ATF6: variants seen among roughly 807,000 people sequenced by gnomAD.
ATF6 encodes activating transcription factor 6.
A neutral mutation model predicts 83.6 loss-of-function variants in ATF6; 53 were observed. The ratio of observed to expected loss-of-function variants is 0.63; its 90% CI spans 0.51 to 0.80. The LOEUF is 0.80. ATF6 is among the 30% of genes least tolerant of loss of function. The pLI is 0.00. For synonymous variants in ATF6, 288 were observed against 285.8 expected (o/e 1.01, Z -0.08); for missense variants, 744 against 797.9 (o/e 0.93, Z 0.81).
At chr1:161,799,415 A>T (rs1035226442) in intron 6 of ATF6, among the ~76,000 whole-genome samples, 1 of 152,150 alleles carries the variant, frequency 6.6e-6, no homozygotes, top group Non-Finnish European at 1.5e-5. Flanking sequence ...ACAATAGACA[A>T]CAGGGGCTAC....
chr1:161,870,324 T>G (rs984683191), intron 14 of ATF6, among the ~76,000 whole-genome samples: 20 of 151,830 alleles, frequency 1.3e-4, no homozygotes, highest in Admixed American at 1.3e-3. Context: ...ATAGTATAGC[T>G]TCAGATTTCA....
rs1686676975 is a variant in ATF6, at chr1:161,853,253, A to G, written c.1463A>G (p.His488Arg). The G allele has an allele frequency of 6.2e-7, 1 of 1,613,294 alleles. No individual in the cohort carries two copies. The highest frequency in any genetic ancestry group is 1.3e-5 in the African/African-American group (1 of 74,934). Residue 488 changes from histidine (H) to arginine (R), a missense_variant, in exon 12 of 16, where the codon CAT (histidine) becomes CGT (arginine). Physicochemically the swap from His to Arg is conservative, Grantham distance 29. Coordinates refer to ENST00000367942, the MANE Select transcript of ATF6 (RefSeq NM_007348.4). ...AATCATGAACTTCGAGGATGGGTTC[A>G]TAGACATGAAGTAGAAAGGACCAAG... ...RLNHELRGWVHRHEVERTKSR... is the reference protein window; with the variant it reads ...RLNHELRGWVRRHEVERTKSR...
intron 14 of ATF6, among the ~76,000 whole-genome samples, chr1:161,894,681 G>T (rs1429154173): frequency 6.8e-6 from 1 of 146,410 alleles, no homozygotes; most frequent in African/African-American, 2.5e-5. Flanking sequence ...GATTACAGGC[G>T]CCCACCACTA....
chr1:161,890,234 G>A lies in ATF6; in HGVS notation c.1720-22062G>A, dbSNP rs1352872097. ...AATTGTCCCCAAAAAGATGAGTTTA[G>A]GAAGAGTCATATAACTTAACATTTG... On this transcript the variant is annotated intron_variant, in intron 14 of 15. Transcript: ENST00000367942. Among the ~76,000 whole-genome samples the A allele has an allele frequency of 2.6e-5, 4 of 152,156 alleles. No homozygotes were observed. In the East Asian group the frequency reaches 5.8e-4, roughly 22 times the overall value.
intron 7 of ATF6, among the ~76,000 whole-genome samples, chr1:161,814,109 C>G (rs987860459): frequency 1.3e-5 from 2 of 152,160 alleles, no homozygotes; most frequent in Admixed American, 1.3e-4. Flanking sequence ...GTCTCGAACT[C>G]CTGACCTCAG....
chr1:161,827,656 A>T (rs555033909), intron 9 of ATF6, among the ~76,000 whole-genome samples: 4 of 151,634 alleles, frequency 2.6e-5, no homozygotes, highest in South Asian at 2.1e-4. Flanking sequence ...ATGAAAAAAA[A>T]AAAATAAAAC....
intron 14 of ATF6, among the ~76,000 whole-genome samples, chr1:161,908,549 C>CT (rs1380028467): frequency 1.5e-5 from 2 of 134,772 alleles, no homozygotes; most frequent in Non-Finnish European, 3.1e-5. Context: ...CCATGTTTCT[C>CT]TAACTTTTTC....
intron 7 of ATF6, among the ~76,000 whole-genome samples, chr1:161,818,388 C>G (rs779351369): frequency 2.0e-5 from 3 of 152,088 alleles, no homozygotes; most frequent in Non-Finnish European, 2.9e-5. Flanking sequence ...TAATTTCGCT[C>G]AGTAAGTTTC....
intron 9 of ATF6, among the ~76,000 whole-genome samples, chr1:161,831,326 A>G (rs1241816575): frequency 2.0e-5 from 3 of 152,350 alleles, no homozygotes; most frequent in African/African-American, 7.2e-5. Context: ...GAGAAATAGG[A>G]ACACTTTTAC....
intron 15 of ATF6, among the ~76,000 whole-genome samples, chr1:161,920,326 G>C (rs993078717): frequency 6.3e-5 from 1 of 15,860 alleles, no homozygotes; most frequent in Non-Finnish European, 2.1e-4. Flanking sequence ...ACAGAGTCTC[G>C]CTCTGTCGCC....
intron 14 of ATF6, among the ~76,000 whole-genome samples, chr1:161,867,907 C>A (rs1025844239): frequency 2.0e-5 from 3 of 152,160 alleles, no homozygotes; most frequent in African/African-American, 7.2e-5. Flanking sequence ...TGGGTATGCA[C>A]CCCTTACTGG....
At chr1:161,805,391 AT>A (rs1389954931) in intron 7 of ATF6, among the ~76,000 whole-genome samples, 1 of 152,220 alleles carries the variant, frequency 6.6e-6, no homozygotes, top group Non-Finnish European at 1.5e-5. Flanking sequence ...CCTAAGGACA[AT>A]TAGAATAATT....
At chr1:161,811,372 T>G (rs928548112) in intron 7 of ATF6, among the ~76,000 whole-genome samples, 1 of 152,192 alleles carries the variant, frequency 6.6e-6, no homozygotes, top group South Asian at 2.1e-4. Flanking sequence ...GTGTTATGGT[T>G]AGACTTTTCT....
intron 3 of ATF6, among the ~76,000 whole-genome samples, chr1:161,782,650 A>C (rs897576132): frequency 6.6e-6 from 1 of 152,214 alleles, no homozygotes; most frequent in Non-Finnish European, 1.5e-5. Context: ...ACAGTGAATA[A>C]ATAACCAGCA....
chr1:161,802,159 C>T lies in ATF6; in HGVS notation c.796C>T (p.Pro266Ser), dbSNP rs1408559642. ...LAVAGGVTQLPNHVVNVVPAP... is the reference protein window; with the variant it reads ...LAVAGGVTQLSNHVVNVVPAP... ...TGTTGCTGGGGGAGTCACACAGCTC[C>T]CTAATCACGTGGTGAATGTGGTACC... The change falls in exon 7 of 16, where the codon CCT becomes TCT. Residue 266 changes from proline (P) to serine (S), a missense_variant. By Grantham distance (74) the Pro-to-Ser change is moderately conservative. Transcript: ENST00000367942. 1.2e-6 allele frequency: 2 copies of T among 1,614,100 alleles called. No individual in the cohort carries two copies. The highest frequency in any genetic ancestry group is 8.5e-7 in the Non-Finnish European group (1 of 1,180,000).
chr1:161,772,737 ATCTAGATAGTACTCTAGC>A (rs1416743349), intron 1 of ATF6, among the ~76,000 whole-genome samples: 2 of 151,316 alleles, frequency 1.3e-5, no homozygotes, highest in Admixed American at 6.6e-5. Flanking sequence ...CTGTTTCTAT[ATCTAGATAGTACTCTAGC>A]TAGAGTTAAA....
chr1:161,768,753 T>C (rs1684323933), intron 1 of ATF6, among the ~76,000 whole-genome samples: 1 of 152,148 alleles, frequency 6.6e-6, no homozygotes, highest in South Asian at 2.1e-4. Flanking sequence ...TTTGAATTTT[T>C]TGTAGAGACA....
chr1:161,817,479 A>G (rs1685638684), intron 7 of ATF6, among the ~76,000 whole-genome samples: 1 of 152,102 alleles, frequency 6.6e-6, no homozygotes, highest in Admixed American at 6.6e-5. Context: ...TAATCAATCC[A>G]TCATGGCTTT....
chr1:161,808,561 T>A (rs980259778), intron 7 of ATF6, among the ~76,000 whole-genome samples: 10 of 152,142 alleles, frequency 6.6e-5, no homozygotes, highest in South Asian at 2.1e-4. Context: ...ATTCCTTTTT[T>A]AAATTTTTAT....
Sources: allele counts gnomAD v4.1 joint callset (sites outside exome capture counted in the v4.1 genomes callset), GRCh38; gene constraint gnomAD v4.1.1; transcripts MANE v1.5; gene names NCBI Gene and HGNC (gene_info 2026-07-23, HGNC 2026-07-21).